PTPRE: variants seen among roughly 807,000 people sequenced by gnomAD.
PTPRE encodes the protein receptor-type tyrosine-protein phosphatase epsilon.
In PTPRE, 51 loss-of-function variants were observed where a neutral mutation model predicts 102.0. The ratio of observed to expected loss-of-function variants is 0.50; its 90% CI spans 0.40 to 0.63. The LOEUF is 0.63. Ranked by LOEUF, PTPRE falls within the 30% of genes least tolerant of loss-of-function variation. The probability of loss-of-function intolerance (pLI) is 0.00; values close to 1 mark genes in which losing one functional copy is unlikely to be tolerated. For missense variants in PTPRE, 752 were observed against 915.1 expected (o/e 0.82, Z 2.30); for synonymous variants, 345 against 348.2 (o/e 0.99, Z 0.10).
At chr10:127,958,523 C>A (rs1478945243) in intron 1 of PTPRE, among the ~76,000 whole-genome samples, 1 of 152,084 alleles carries the variant, frequency 6.6e-6, no homozygotes, top group Admixed American at 6.5e-5. Flanking sequence ...TTGAATCAAC[C>A]TTTTATACAT....
chr10:127,990,810 A>G (rs955127211), intron 2 of PTPRE, among the ~76,000 whole-genome samples: 1 of 152,244 alleles, frequency 6.6e-6, no homozygotes, highest in African/African-American at 2.4e-5. Context: ...AAGAAGCAAG[A>G]ACATTTTTTT....
intron 3 of PTPRE, among the ~76,000 whole-genome samples, chr10:128,043,210 T>A (rs1847847325): frequency 6.6e-6 from 1 of 152,192 alleles, no homozygotes; most frequent in South Asian, 2.1e-4. Context: ...GATTACATTG[T>A]AACATATAAT....
chr10:128,067,215 T>C (rs1423667299), intron 11 of PTPRE, among the ~76,000 whole-genome samples: 1 of 123,890 alleles, frequency 8.1e-6, no homozygotes, highest in African/African-American at 3.2e-5. Context: ...CCCACACACA[T>C]TCACATGCAC....
intron 1 of PTPRE, among the ~76,000 whole-genome samples, chr10:127,920,747 C>T (rs1846537661): frequency 6.6e-6 from 1 of 152,210 alleles, no homozygotes; most frequent in African/African-American, 2.4e-5. Flanking sequence ...GACTCAAGTT[C>T]AGTCAAGTTC....
chr10:128,026,080 GC>G (rs1418561327), intron 2 of PTPRE, among the ~76,000 whole-genome samples: 1 of 152,182 alleles, frequency 6.6e-6, no homozygotes, highest in African/African-American at 2.4e-5. Context: ...TCCCTGGCAG[GC>G]CAAGCATGCA....
chr10:127,954,527 C>T (rs1849262272), intron 1 of PTPRE, among the ~76,000 whole-genome samples: 1 of 152,164 alleles, frequency 6.6e-6, no homozygotes, highest in Admixed American at 6.5e-5. Context: ...AGGAATTCAC[C>T]CAAAGCCAAA....
At chr10:128,063,573 A>G (rs755553101) in intron 10 of PTPRE, among the ~76,000 whole-genome samples, 31 of 152,216 alleles carry the variant, frequency 2.0e-4, no homozygotes, top group Admixed American at 3.3e-4. Context: ...GACTAGAGAA[A>G]TGCTTTTGGA....
chr10:128,059,120 G>A (rs72848757), intron 7 of PTPRE, among the ~76,000 whole-genome samples: 31,133 of 152,220 alleles, frequency 0.2, 3,452 homozygotes, highest in Middle Eastern at 0.27. Flanking sequence ...AATCTAAGCA[G>A]AAGGCTATAT....
intron 3 of PTPRE, among the ~76,000 whole-genome samples, chr10:128,044,021 GT>G (rs1331715649): frequency 1.3e-5 from 2 of 152,102 alleles, no homozygotes; most frequent in Admixed American, 1.3e-4. Flanking sequence ...ACTTTTTACA[GT>G]CCGTGAAGCT....
chr10:127,977,504 C>A (rs546760640), intron 1 of PTPRE, among the ~76,000 whole-genome samples: 2 of 152,214 alleles, frequency 1.3e-5, no homozygotes, highest in Non-Finnish European at 2.9e-5. Flanking sequence ...TCTGCCCACT[C>A]GAATGCTTGT....
chr10:127,997,284 A>C (rs1194846698), intron 2 of PTPRE, among the ~76,000 whole-genome samples: 1 of 152,204 alleles, frequency 6.6e-6, no homozygotes. Context: ...ACACCCAGGT[A>C]AACTCTGAGT....
At chr10:128,076,816 G>T in intron 18 of PTPRE, 88 bp downstream of exon 18, 1 of 1,561,664 alleles carries the variant, frequency 6.4e-7, no homozygotes, top group East Asian at 2.3e-5. Flanking sequence ...ACCAGAATGT[G>T]GCCCTGCACC....
rs779867598 is a variant in PTPRE, at chr10:128,070,370, T to C, written c.1213T>C (p.Ser405Pro). ...YLYGDTELDV[S>P]SLEKHLQTMH... is the part of the protein sequence containing the mutation. ...CTACGGGGACACAGAGCTGGACGTG[T>C]CCTCCCTGGAGAAGCACCTGCAGAC... Residue 405 changes from serine (S) to proline (P), a missense_variant, in exon 14 of 21, where the codon TCC becomes CCC. This residue lies in a region of PTPRE where 636 missense variants were observed against 824.4 expected (regional missense o/e 0.77). Coordinates refer to ENST00000254667, the MANE Select transcript of PTPRE (RefSeq NM_006504.6). This position sits in a 1 kb window ranked among gnomAD's most constrained non-coding sequence, Gnocchi z 4.8. The C allele has an allele frequency of 2.5e-6, 4 of 1,614,006 alleles. No individual in the cohort carries two copies. The Admixed American group carries it at 6.7e-5, about 27-fold the overall frequency.
At chr10:127,994,283 C>T (rs1853021347) in intron 2 of PTPRE, among the ~76,000 whole-genome samples, 2 of 152,198 alleles carry the variant, frequency 1.3e-5, no homozygotes, top group South Asian at 4.1e-4. Context: ...GCTCTCTTCT[C>T]TGATTCCATC....
intron 1 of PTPRE, among the ~76,000 whole-genome samples, chr10:127,912,486 A>G (rs937307774): frequency 6.6e-6 from 1 of 152,216 alleles, no homozygotes; most frequent in African/African-American, 2.4e-5. Flanking sequence ...TCTCCCAAAA[A>G]CAAATATAAA....
chr10:127,970,666 A>C (rs562106029), intron 1 of PTPRE, among the ~76,000 whole-genome samples: 1 of 151,362 alleles, frequency 6.6e-6, no homozygotes, highest in Non-Finnish European at 1.5e-5. Flanking sequence ...ATTATATCAA[A>C]CTCTGAAAAC....
Position 128,066,125 on chromosome 10 carries a change from C to T in PTPRE, c.774C>T (p.Asn258=), listed in dbSNP as rs1369020680. The part of the protein sequence containing the change: ...WPDQGCWTYG[N]IRVCVEDCVV... ...ACCAAGGCTGCTGGACCTATGGAAACATCCGGGTGTGCGTGGAGGACTGCG... is the reference window on the plus strand; with the variant it reads ...ACCAAGGCTGCTGGACCTATGGAAATATCCGGGTGTGCGTGGAGGACTGCG... The change falls in exon 11 of 21, where the codon AAC becomes AAT. Residue 258 remains asparagine, a synonymous_variant. Transcript: ENST00000254667. 2 of 1,614,136 alleles carry T rather than the reference C, an allele frequency of 1.2e-6. No individual in the cohort carries two copies. Among genetic ancestry groups the T allele is most frequent in the East Asian group, 2.2e-5 (1 of 44,900 alleles).
chr10:127,999,633 C>G (rs755790313), intron 2 of PTPRE: 111 of 984,942 alleles, frequency 1.1e-4, no homozygotes, highest in Non-Finnish European at 1.3e-4. Flanking sequence ...TTCTTACTGA[C>G]TGATTATGAA....
chr10:128,069,377 G>T, intron 12 of PTPRE: 2 of 270,346 alleles, frequency 7.4e-6, no homozygotes, highest in Non-Finnish European at 1.4e-5. Flanking sequence ...GATCTAGGAT[G>T]CCAATCACAC....
Sources: gnomAD v4.1 joint callset for allele counts (sites outside exome capture counted in the v4.1 genomes callset) on GRCh38, gnomAD v4.1.1 for gene constraint, gnomAD v4.1.1 regional missense constraint, Gnocchi (gnomAD v3.1) non-coding constraint, MANE v1.5 for transcripts, NCBI Gene and HGNC (gene_info 2026-07-23, HGNC 2026-07-21) for gene names.